Variants in ABCC12 observed in about 807,000 individuals in gnomAD.
ABCC12 encodes ATP-binding cassette sub-family C member 12.
A neutral mutation model predicts 151.1 loss-of-function variants in ABCC12; 142 were observed. The ratio of observed to expected loss-of-function variants is 0.94; its 90% CI spans 0.82 to 1.08. The LOEUF (loss-of-function observed/expected upper bound fraction) is 1.08. Ranked by LOEUF, ABCC12 falls within the 50% of genes least tolerant of loss-of-function variation. The probability of loss-of-function intolerance (pLI) is 0.00; values close to 1 mark genes in which losing one functional copy is unlikely to be tolerated. For missense variants in ABCC12, 1,638 were observed against 1,691.1 expected (o/e 0.97, Z 0.55); for synonymous variants, 645 against 646.4 (o/e 1.00, Z 0.03).
chr16:48,107,417 G>C lies in ABCC12; in HGVS notation c.2380C>G (p.Leu794Val), dbSNP rs764185470. 8 of 1,614,132 alleles carry C rather than the reference G, an allele frequency of 5.0e-6. No individual in the cohort carries two copies. The change falls in exon 20 of 31, where the codon CTT (leucine) becomes GTT (valine). Residue 794 changes from leucine to valine, a missense_variant. Leu to Val is a conservative substitution (Grantham distance 32). Coordinates refer to ENST00000311303, the MANE Select transcript of ABCC12 (RefSeq NM_001393797.1). ...TYIKASGGYL[L>V]SLFTVFLFLL... ...AAGAGGAACACAGTGAAGAGAGAAA[G>C]GAGGTACCCTGCAAGAGGAGCGGAG...
chr16:48,098,193 T>C (rs1963174788), intron 23 of ABCC12, among the ~76,000 whole-genome samples: 1 of 151,582 alleles, frequency 6.6e-6, no homozygotes, highest in Non-Finnish European at 1.5e-5. Flanking sequence ...GGCTTGAATA[T>C]ATTCAAGATT....
chr16:48,126,369 A>G (rs185301520), intron 11 of ABCC12, among the ~76,000 whole-genome samples: 2 of 152,094 alleles, frequency 1.3e-5, no homozygotes, highest in Admixed American at 6.5e-5. Flanking sequence ...ACTGCTGGCC[A>G]CCTCCAAGCC....
chr16:48,133,743 T>C lies in ABCC12; in HGVS notation c.1072A>G (p.Ile358Val). The C allele has an allele frequency of 9.3e-6, 15 of 1,614,108 alleles. No individual in the cohort carries two copies. Among genetic ancestry groups the C allele is most frequent in the Non-Finnish European group, 1.3e-5 (15 of 1,180,008 alleles). ...ATGTGGCAGGATAATGTCAGCACGA[T>C]GGCTATGGTGGACACGATGGGGGCC... ...ALAPIVSTIA[I>V]VLTLSCHILL... The change falls in exon 9 of 31, where the codon ATC becomes GTC. Residue 358 changes from isoleucine (I) to valine (V), a missense_variant. By Grantham distance (29) the Ile-to-Val change is conservative. Transcript: ENST00000311303.
intron 8 of ABCC12, among the ~76,000 whole-genome samples, chr16:48,137,236 G>C (rs1465428707): frequency 1.3e-5 from 2 of 152,148 alleles, no homozygotes; most frequent in African/African-American, 2.4e-5. Flanking sequence ...CAACAAACTC[G>C]TGGCTATTTT....
intron 24 of ABCC12, among the ~76,000 whole-genome samples, chr16:48,092,995 G>T (rs1445432716): frequency 1.3e-5 from 2 of 152,206 alleles, no homozygotes; most frequent in Non-Finnish European, 2.9e-5. Context: ...GCTTAATACA[G>T]TTCAGCAGTT....
At chr16:48,103,995 T>A (rs1162081368) in intron 22 of ABCC12, 147 bp downstream of exon 22, 1 of 829,582 alleles carries the variant, frequency 1.2e-6, no homozygotes, top group African/African-American at 1.7e-5. Context: ...GCCAGATGTA[T>A]GCAAAGCACC....
Position 48,128,488 on chromosome 16 carries a change from G to A in ABCC12, c.1486C>T (p.Leu496=). ...EEQSDSLKSV[L]HSISFVVRKG... ...CTCACCACAAAGCTTATGCTGTGCA[G>A]AACCGATTTGAGGCTGTCACTTTGC... is the stretch of plus-strand genomic sequence containing the variant. The change falls in exon 11 of 31, where the codon CTG becomes TTG. Residue 496 remains leucine, a synonymous_variant. Coordinates refer to ENST00000311303, the MANE Select transcript of ABCC12 (RefSeq NM_001393797.1). The A allele has an allele frequency of 1.2e-6, 2 of 1,614,236 alleles. No individual in the cohort carries two copies. The highest frequency in any genetic ancestry group is 1.7e-6 in the Non-Finnish European group (2 of 1,180,048).
rs1963423901 is a variant in ABCC12, at chr16:48,104,647, G to A, written c.2674-279C>T. On this transcript the variant is annotated intron_variant, in intron 21 of 30. Transcript: ENST00000311303. ...CTGGGATGCAGCCTGAGACGGGAGA[G>A]GCTGATGCCTTTGTCGGAGGAAGGA... 2.0e-5 allele frequency among the ~76,000 whole-genome samples: 3 copies of A among 152,214 alleles called. No homozygotes were observed. The South Asian group carries it at 6.2e-4, about 31-fold the overall frequency.
chr16:48,120,712 C>G (rs370285472), intron 13 of ABCC12, among the ~76,000 whole-genome samples: 2 of 151,936 alleles, frequency 1.3e-5, no homozygotes, highest in Non-Finnish European at 2.9e-5. Flanking sequence ...CCCACCACCA[C>G]GCCCAGCTAA....
rs781439972 is a variant in ABCC12 at position 48,128,704 on chromosome 16, T to C, written c.1270A>G (p.Ile424Val). 7 of 1,613,902 alleles carry C rather than the reference T, an allele frequency of 4.3e-6. No homozygotes were observed. In the African/African-American group the frequency reaches 8.0e-5, roughly 18 times the overall value. ...GTATCTGGGTCTTCTGGTTGGGTGA[T>C]GTAAGATGGGGGGCTTTTATCTATG... Reference protein sequence around the residue: ...ILIDKSPPSYITQPEDPDTVL... With the variant: ...ILIDKSPPSYVTQPEDPDTVL... The change falls in exon 11 of 31, where the codon ATC becomes GTC. Residue 424 changes from isoleucine to valine, a missense_variant. By Grantham distance (29) the Ile-to-Val change is conservative (BLOSUM62 3). Transcript: ENST00000311303.
At chr16:48,129,020 C>T (rs1490457232) in intron 10 of ABCC12, among the ~76,000 whole-genome samples, 3 of 152,234 alleles carry the variant, frequency 2.0e-5, no homozygotes, top group South Asian at 4.1e-4. Flanking sequence ...CCAAGACAGT[C>T]GGTCTTACCA....
intron 15 of ABCC12, among the ~76,000 whole-genome samples, chr16:48,114,748 C>T (rs370829659): frequency 5.3e-5 from 8 of 152,280 alleles, no homozygotes; most frequent in African/African-American, 1.9e-4. Flanking sequence ...CTTGGATTCC[C>T]ATCAGGCAAT....
At chr16:48,087,795 C>G in intron 27 of ABCC12, 131 bp downstream of exon 27, 1 of 958,850 alleles carries the variant, frequency 1.0e-6, no homozygotes, top group East Asian at 2.6e-5. Context: ...GCTTGTGAGC[C>G]CCCCTGGGAT....
At position 48,130,797 on chromosome 16, in the gene ABCC12, C is replaced by T. The variant is rs1964396101; in HGVS notation, c.1227G>A (p.Arg409=). The T allele has an allele frequency of 2.5e-6, 4 of 1,610,332 alleles. No homozygotes were observed. Among genetic ancestry groups the T allele is most frequent in the Non-Finnish European group, 3.4e-6 (4 of 1,176,746 alleles). ...KAMAEANVSL[R]RMKKILIDKS... is the part of the protein sequence containing the mutation. ...CCAGGGTTAGTTATACCTTCATTCT[C>T]CTTAGAGAGACATTCGCTTCAGCCA... The change falls in exon 10 of 31, where the codon AGG becomes AGA. Residue 409 remains arginine, a synonymous_variant. Coordinates refer to ENST00000311303, the MANE Select transcript of ABCC12 (RefSeq NM_001393797.1).
intron 5 of ABCC12, 76 bp downstream of exon 5, chr16:48,141,130 G>T: frequency 6.4e-7 from 1 of 1,569,882 alleles, no homozygotes; most frequent in Admixed American, 1.8e-5. Context: ...CCACCAGCTC[G>T]TAGAGAAAGT....
intron 6 of ABCC12, 98 bp from the exon 7 acceptor site, chr16:48,139,434 A>C: frequency 3.0e-6 from 4 of 1,343,834 alleles, no homozygotes; most frequent in Non-Finnish European, 3.0e-6. Context: ...CTAGGGAGAA[A>C]GGAGAAAAAC....
At chr16:48,091,240 G>A in intron 24 of ABCC12, 31 bp from the exon 25 acceptor site, 1 of 1,603,468 alleles carries the variant, frequency 6.2e-7, no homozygotes. Context: ...GCCGCAGTTA[G>A]AGCCCCTTCC....
chr16:48,140,549 G>T, intron 6 of ABCC12, 138 bp downstream of exon 6: 3 of 812,890 alleles, frequency 3.7e-6, no homozygotes, highest in Non-Finnish European at 4.0e-6. Context: ...ACCTCACTTA[G>T]CCAGGAGATG....
At chr16:48,141,974 A>T (rs1158591488) in intron 4 of ABCC12, among the ~76,000 whole-genome samples, 1 of 152,246 alleles carries the variant, frequency 6.6e-6, no homozygotes, top group African/African-American at 2.4e-5. Context: ...GTGAGACCAC[A>T]GCAGGAGATT....
Sources: gnomAD v4.1 joint callset for allele counts (sites outside exome capture counted in the v4.1 genomes callset) on GRCh38, gnomAD v4.1.1 for gene constraint, MANE v1.5 for transcripts, NCBI Gene and HGNC (gene_info 2026-07-23, HGNC 2026-07-21) for gene names.